RETREG1: variants seen among roughly 807,000 people sequenced by gnomAD.
RETREG1 encodes reticulophagy regulator 1.
RETREG1 carries 44 observed loss-of-function variants against 54.8 expected under a neutral mutation model. The observed-to-expected ratio is 0.80, with a 90% CI of 0.63 to 1.03. The LOEUF (loss-of-function observed/expected upper bound fraction) is 1.03, where lower values mean the gene tolerates loss of function less well. Among genes scored for constraint, RETREG1 ranks in the 50% least tolerant of loss-of-function variants. The probability of loss-of-function intolerance (pLI) is 0.00; values close to 1 mark genes in which losing one functional copy is unlikely to be tolerated. For missense variants in RETREG1, 554 were observed against 605.1 expected (o/e 0.92, Z 0.89); for synonymous variants, 217 against 238.5 (o/e 0.91, Z 0.83).
chr5:16,552,646 A>G (rs145787835), intron 3 of RETREG1, among the ~76,000 whole-genome samples: 14 of 152,136 alleles, frequency 9.2e-5, no homozygotes, highest in Non-Finnish European at 1.8e-4. Context: ...CCATTGATCT[A>G]TCCTTCAATC....
At position 16,536,764 on chromosome 5, in the gene RETREG1, G is replaced by A. The variant is rs77414358; in HGVS notation, c.458+28999C>T. On this transcript the variant is annotated intron_variant, in intron 3 of 8. Coordinates refer to ENST00000306320, the MANE Select transcript of RETREG1 (RefSeq NM_001034850.3). ...AAAATCAGTGCAAGGTGTCAATGGC[G>A]CCAAAGTCAACGGATGCCTGAGATC... is the stretch of plus-strand genomic sequence containing the variant. Among the ~76,000 whole-genome samples the A allele has an allele frequency of 3.1e-3, 475 of 152,308 alleles. 1 individual carries two copies. Among genetic ancestry groups the A allele is most frequent in the Non-Finnish European group, 5.2e-3 (351 of 68,028 alleles).
chr5:16,537,152 G>A (rs996104404), intron 3 of RETREG1, among the ~76,000 whole-genome samples: 2 of 152,312 alleles, frequency 1.3e-5, no homozygotes, highest in Admixed American at 1.3e-4. Context: ...GCCAGGCCCT[G>A]CACCAAGCAC....
chr5:16,503,018 T>C (rs1283783765), intron 3 of RETREG1, among the ~76,000 whole-genome samples: 1 of 152,204 alleles, frequency 6.6e-6, no homozygotes, highest in East Asian at 1.9e-4. Flanking sequence ...GCAGCCCTCC[T>C]TGGGCATGGT....
At chr5:16,588,502 G>T (rs113490259) in intron 1 of RETREG1, among the ~76,000 whole-genome samples, 1 of 152,180 alleles carries the variant, frequency 6.6e-6, no homozygotes, top group Non-Finnish European at 1.5e-5. Context: ...AACACCAAGT[G>T]TGTGGACCAC....
chr5:16,496,594 C>T (rs976844007), intron 3 of RETREG1, among the ~76,000 whole-genome samples: 8 of 152,208 alleles, frequency 5.3e-5, no homozygotes, highest in Non-Finnish European at 1.2e-4. Flanking sequence ...GTGGCCACCA[C>T]CCAGCTGAAA....
intron 3 of RETREG1, among the ~76,000 whole-genome samples, chr5:16,485,234 T>C (rs2126523799): frequency 6.6e-6 from 1 of 152,320 alleles, no homozygotes; most frequent in South Asian, 2.1e-4. Context: ...ACAGAAAACA[T>C]TTTAATTTCT....
At chr5:16,580,769 C>T (rs1224745404) in intron 1 of RETREG1, among the ~76,000 whole-genome samples, 3 of 152,122 alleles carry the variant, frequency 2.0e-5, no homozygotes, top group African/African-American at 4.8e-5. Flanking sequence ...TGTGCATGTG[C>T]GCCATCCTCA....
chr5:16,505,231 T>G (rs924776378), intron 3 of RETREG1, among the ~76,000 whole-genome samples: 2 of 152,172 alleles, frequency 1.3e-5, no homozygotes, highest in Middle Eastern at 3.4e-3. Flanking sequence ...GCAGACAAAC[T>G]TTTCAGTCCT....
chr5:16,601,391 C>CTTTTTTTTT (rs530475440), intron 1 of RETREG1, among the ~76,000 whole-genome samples: 1 of 140,816 alleles, frequency 7.1e-6, no homozygotes. Flanking sequence ...GAGGAATTTT[C>CTTTTTTTTT]TTTTTTTTTT....
At chr5:16,533,265 G>C (rs548893225) in intron 3 of RETREG1, among the ~76,000 whole-genome samples, 54 of 152,248 alleles carry the variant, frequency 3.5e-4, no homozygotes, top group African/African-American at 1.3e-3. Context: ...GGATGGTCTT[G>C]ATCTCCTGAC....
At chr5:16,560,805 ATCT>A (rs1741833583) in intron 3 of RETREG1, among the ~76,000 whole-genome samples, 1 of 152,262 alleles carries the variant, frequency 6.6e-6, no homozygotes, top group South Asian at 2.1e-4. Context: ...TATAAGCACT[ATCT>A]AGTGCCAGAT....
chr5:16,579,480 T>C (rs1383694928), intron 1 of RETREG1, among the ~76,000 whole-genome samples: 1 of 152,222 alleles, frequency 6.6e-6, no homozygotes, highest in African/African-American at 2.4e-5. Flanking sequence ...CCTTTTCTTT[T>C]TTTATATATT....
intron 3 of RETREG1, among the ~76,000 whole-genome samples, chr5:16,485,948 A>G (rs1003488241): frequency 3.3e-5 from 5 of 152,198 alleles, no homozygotes; most frequent in African/African-American, 1.2e-4. Flanking sequence ...TGCTGGAAAG[A>G]AAGAAAAAAA....
intron 1 of RETREG1, among the ~76,000 whole-genome samples, chr5:16,615,399 C>CAAAA (rs35626131): frequency 1.6e-4 from 15 of 92,556 alleles, no homozygotes; most frequent in East Asian, 2.7e-4. Context: ...GACTCCATCT[C>CAAAA]AAAAAAAAAA....
rs1742089471 is a variant in RETREG1 at position 16,568,696 on chromosome 5, CA to C, written c.428-2904del. On this transcript the variant is annotated intron_variant, in intron 2 of 8. Coordinates refer to ENST00000306320, the MANE Select transcript of RETREG1 (RefSeq NM_001034850.3). Reference sequence around the variant, plus strand: ...TGCCAGGGGCTGGAGGAAGGGGGAACAGGGGAAAGGGGGACTTGGCTGTTCA... The same window carrying C: ...TGCCAGGGGCTGGAGGAAGGGGGAACGGGGAAAGGGGGACTTGGCTGTTCA... Among the ~76,000 whole-genome samples, 3 of 152,012 alleles carry C rather than the reference CA, an allele frequency of 2.0e-5. No homozygotes were observed. In the South Asian group the frequency reaches 6.2e-4, roughly 32 times the overall value.
At chr5:16,521,936 G>A (rs1208399414) in intron 3 of RETREG1, among the ~76,000 whole-genome samples, 1 of 152,164 alleles carries the variant, frequency 6.6e-6, no homozygotes, top group Non-Finnish European at 1.5e-5. Flanking sequence ...TTTGGGGTGT[G>A]GGACAGGGGA....
intron 3 of RETREG1, among the ~76,000 whole-genome samples, chr5:16,485,468 C>CA (rs1274503626): frequency 6.6e-5 from 10 of 152,124 alleles, no homozygotes; most frequent in Admixed American, 5.9e-4. Flanking sequence ...TGCGCGAGGA[C>CA]AAAAAAATAT....
At position 16,616,981 on chromosome 5, in the gene RETREG1, T is replaced by C. The variant is rs1293226711; in HGVS notation, c.-10A>G. ...GCGCCGGGCTCGCCATCTTCAGCTG[T>C]GCTTCCAGACAGGGACGGGGCCGGG... On this transcript the variant is annotated 5_prime_UTR_variant, in exon 1 of 9. Coordinates refer to ENST00000306320, the MANE Select transcript of RETREG1 (RefSeq NM_001034850.3). The C allele has an allele frequency of 7.2e-7, 1 of 1,392,550 alleles. No homozygotes were observed. Among genetic ancestry groups the C allele is most frequent in the African/African-American group, 1.5e-5 (1 of 66,314 alleles). 86.3% of individuals were successfully genotyped at this position (1,392,550 alleles called of 1,614,324 possible).
chr5:16,474,960 G>A lies in RETREG1; in HGVS notation c.1275C>T (p.Ile425=). ...DVITAAVTAA[I]KDQLEGVQQA... The stretch of plus-strand genomic sequence containing the variant: ...GCTGCACACCCTCTAACTGGTCTTT[G>A]ATAGCTGCAGTCACTGCAGCTGTGA... The change falls in exon 9 of 9, where the codon ATC becomes ATT. Residue 425 remains isoleucine (I), a synonymous_variant. Transcript: ENST00000306320. 1 of 1,613,864 alleles carries A rather than the reference G, an allele frequency of 6.2e-7. No individual in the cohort carries two copies. Among genetic ancestry groups the A allele is most frequent in the Middle Eastern group, 1.6e-4 (1 of 6,062 alleles).
Sources: gnomAD v4.1 joint callset for allele counts (sites outside exome capture counted in the v4.1 genomes callset) on GRCh38, gnomAD v4.1.1 for gene constraint, MANE v1.5 for transcripts, NCBI Gene and HGNC (gene_info 2026-07-23, HGNC 2026-07-21) for gene names.